Variants in SYN3 observed in about 807,000 individuals in gnomAD.
The protein encoded by SYN3 is synapsin III.
A neutral mutation model predicts 65.8 loss-of-function variants in SYN3; 35 were observed. The observed-to-expected ratio is 0.53, with a 90% confidence interval of 0.41 to 0.70. The LOEUF is 0.70. SYN3 is among the 30% of genes least tolerant of loss of function. The pLI is 0.00. For missense variants in SYN3, 680 were observed against 749.0 expected (o/e 0.91, Z 1.08); for synonymous variants, 270 against 292.9 (o/e 0.92, Z 0.80).
chr22:32,786,363 G>A (rs1338032654), intron 6 of SYN3, among the ~76,000 whole-genome samples: 2 of 151,934 alleles, frequency 1.3e-5, no homozygotes, highest in Non-Finnish European at 2.9e-5. Context: ...GGGACCAGGA[G>A]CATCATGTCT....
intron 7 of SYN3, among the ~76,000 whole-genome samples, chr22:32,563,579 G>T (rs1216877465): frequency 2.0e-5 from 3 of 152,198 alleles, no homozygotes; most frequent in Admixed American, 2.0e-4. Flanking sequence ...TGGAGCAGTG[G>T]GTGTGAGGAG....
At chr22:32,869,367 T>TCTCTCTCTCTCTCTCTCTCTCTCACA (rs61464794) in intron 4 of SYN3, among the ~76,000 whole-genome samples, 7 of 142,476 alleles carry the variant, frequency 4.9e-5, no homozygotes, top group African/African-American at 1.8e-4. Context: ...TCTCTCTCTC[T>TCTCTCTCTCTCTCTCTCTCTCTCACA]CACAGGCTCT....
intron 1 of SYN3, among the ~76,000 whole-genome samples, chr22:33,024,733 A>C (rs927703561): frequency 6.6e-6 from 1 of 152,192 alleles, no homozygotes; most frequent in Non-Finnish European, 1.5e-5. Context: ...CCACCAGTGC[A>C]CTCAATGAGG....
At chr22:33,018,770 C>A (rs956992337) in intron 1 of SYN3, among the ~76,000 whole-genome samples, 1 of 152,166 alleles carries the variant, frequency 6.6e-6, no homozygotes, top group African/African-American at 2.4e-5. Context: ...TTTCCTTGCT[C>A]ACCCTCAGAT....
At chr22:32,700,588 ACACT>A (rs1382383940) in intron 6 of SYN3, among the ~76,000 whole-genome samples, 1 of 152,206 alleles carries the variant, frequency 6.6e-6, no homozygotes, top group Non-Finnish European at 1.5e-5. Context: ...CCTTTCATAA[ACACT>A]CACTAAGCAC....
chr22:32,889,908 T>C (rs1335139097), intron 4 of SYN3, among the ~76,000 whole-genome samples: 1 of 152,018 alleles, frequency 6.6e-6, no homozygotes, highest in Non-Finnish European at 1.5e-5. Context: ...TATGTTGTTC[T>C]CTCAGAATAT....
At chr22:32,949,313 G>A (rs1022137948) in intron 3 of SYN3, among the ~76,000 whole-genome samples, 3 of 152,036 alleles carry the variant, frequency 2.0e-5, no homozygotes, top group Admixed American at 2.0e-4. Context: ...GGGGGGCGGG[G>A]GTGCTCAGGC....
At chr22:32,798,693 T>TTTC (rs1378267866) in intron 6 of SYN3, among the ~76,000 whole-genome samples, 1 of 144,434 alleles carries the variant, frequency 6.9e-6, no homozygotes, top group Non-Finnish European at 1.5e-5. Context: ...TTCTTTTTTT[T>TTTC]TTTTTTTTTT....
intron 7 of SYN3, among the ~76,000 whole-genome samples, chr22:32,545,567 C>CT (rs1209391099): frequency 4.6e-5 from 7 of 150,982 alleles, no homozygotes; most frequent in East Asian, 1.9e-4. Flanking sequence ...CTCTCTCTCT[C>CT]TTTTTTTTTG....
At chr22:32,709,907 C>T (rs543168922) in intron 6 of SYN3, among the ~76,000 whole-genome samples, 13 of 151,894 alleles carry the variant, frequency 8.6e-5, no homozygotes, top group African/African-American at 1.7e-4. Context: ...TTTCACTAAT[C>T]GGATTACTGT....
intron 4 of SYN3, among the ~76,000 whole-genome samples, chr22:32,876,952 G>T (rs1471169252): frequency 6.6e-6 from 1 of 152,244 alleles, no homozygotes; most frequent in Non-Finnish European, 1.5e-5. Flanking sequence ...TAAGTAGATA[G>T]ATGATAGATA....
At chr22:32,989,670 AC>A (rs1313523311) in intron 2 of SYN3, among the ~76,000 whole-genome samples, 1 of 151,126 alleles carries the variant, frequency 6.6e-6, no homozygotes, top group Non-Finnish European at 1.5e-5. Context: ...CCCCGTGTCT[AC>A]CAAAAATACA....
chr22:32,874,290 G>T (rs2048926969), intron 4 of SYN3, among the ~76,000 whole-genome samples: 1 of 152,184 alleles, frequency 6.6e-6, no homozygotes, highest in Admixed American at 6.5e-5. Context: ...CCTGGCCGCA[G>T]GTTGTAGCTG....
intron 1 of SYN3, among the ~76,000 whole-genome samples, chr22:33,025,450 A>G (rs112381816): frequency 3.3e-5 from 5 of 150,962 alleles, no homozygotes; most frequent in African/African-American, 4.9e-5. Flanking sequence ...AAAAAAAAAA[A>G]AAAAGAAAGC....
At chr22:32,958,930 C>T (rs756417674) in intron 3 of SYN3, among the ~76,000 whole-genome samples, 1 of 152,084 alleles carries the variant, frequency 6.6e-6, no homozygotes, top group Non-Finnish European at 1.5e-5. Context: ...CAGTGGCTCA[C>T]CCCTATAATC....
At chr22:32,574,459 C>T (rs1252612316) in intron 7 of SYN3, among the ~76,000 whole-genome samples, 1 of 152,024 alleles carries the variant, frequency 6.6e-6, no homozygotes, top group Non-Finnish European at 1.5e-5. Flanking sequence ...AGCCTGGGCA[C>T]CAGAGACAGA....
intron 6 of SYN3, among the ~76,000 whole-genome samples, chr22:32,747,786 G>C (rs1480032206): frequency 6.6e-6 from 1 of 152,222 alleles, no homozygotes; most frequent in Non-Finnish European, 1.5e-5. Context: ...TCAGTGGAGA[G>C]GCATGTTGTT....
chr22:32,866,139 C>T (rs2048683504), intron 5 of SYN3, among the ~76,000 whole-genome samples: 1 of 152,140 alleles, frequency 6.6e-6, no homozygotes, highest in South Asian at 2.1e-4. Context: ...AAGAGCAAAT[C>T]AGATTCCGAA....
Position 32,849,506 on chromosome 22 carries a change from C to T in SYN3, c.711+15409G>A, listed in dbSNP as rs779515006. 5.5e-5 allele frequency: 88 copies of T among 1,613,500 alleles called. No individual in the cohort carries two copies. The highest frequency in any genetic ancestry group is 6.4e-5 in the Non-Finnish European group (75 of 1,179,840). On this transcript the variant is annotated intron_variant, in intron 6 of 13. Coordinates refer to ENST00000358763, the MANE Select transcript of SYN3 (RefSeq NM_003490.4). ...CTGGTAAAGGAGGGGCCCTTCGGCA[C>T]GCTGGTCTACACCATCAAGCAGATG...
Sources: allele counts gnomAD v4.1 joint callset (sites outside exome capture counted in the v4.1 genomes callset), GRCh38; gene constraint gnomAD v4.1.1; transcripts MANE v1.5; gene names NCBI Gene and HGNC (gene_info 2026-07-23, HGNC 2026-07-21).